ARHGAP10: variants seen among roughly 807,000 people sequenced by gnomAD.
ARHGAP10 encodes the protein rho GTPase-activating protein 10.
In ARHGAP10, 87 loss-of-function variants were observed where a neutral mutation model predicts 108.6. That is an observed-to-expected ratio of 0.80 (90% CI 0.67 to 0.96). ARHGAP10 has a LOEUF of 0.96. Ranked by LOEUF, ARHGAP10 falls within the 40% of genes least tolerant of loss-of-function variation. The pLI is 0.00. For synonymous variants in ARHGAP10, 347 were observed against 341.1 expected (o/e 1.02, Z -0.19); for missense variants, 939 against 954.5 (o/e 0.98, Z 0.21).
At chr4:148,054,985 C>T (rs2149685206) in intron 20 of ARHGAP10, among the ~76,000 whole-genome samples, 1 of 152,300 alleles carries the variant, frequency 6.6e-6, no homozygotes, top group South Asian at 2.1e-4. Flanking sequence ...AACCTTCAGA[C>T]CTCGAATGCC....
At chr4:147,784,049 A>G (rs1730695107) in intron 1 of ARHGAP10, among the ~76,000 whole-genome samples, 1 of 143,444 alleles carries the variant, frequency 7.0e-6, no homozygotes, top group African/African-American at 2.5e-5. Context: ...TATATATTAT[A>G]TATTTTACAT....
intron 20 of ARHGAP10, among the ~76,000 whole-genome samples, chr4:148,051,194 T>C (rs1021520030): frequency 3.9e-5 from 6 of 152,236 alleles, no homozygotes; most frequent in African/African-American, 1.4e-4. Flanking sequence ...GTGGGTGTTA[T>C]TCATTGCAGT....
intron 1 of ARHGAP10, among the ~76,000 whole-genome samples, chr4:147,810,021 T>C (rs1478824346): frequency 6.6e-6 from 1 of 152,260 alleles, no homozygotes; most frequent in Non-Finnish European, 1.5e-5. Context: ...TAGTATTTTC[T>C]CTATAAGTAT....
intron 1 of ARHGAP10, among the ~76,000 whole-genome samples, chr4:147,777,174 TACCA>T (rs929941444): frequency 6.6e-6 from 1 of 152,196 alleles, no homozygotes; most frequent in Non-Finnish European, 1.5e-5. Flanking sequence ...TCTGGCCTTT[TACCA>T]TTAGGAAATT....
Position 147,928,283 on chromosome 4 carries a change from T to C in ARHGAP10, c.1229-11542T>C, listed in dbSNP as rs573160504. 4.6e-5 allele frequency among the ~76,000 whole-genome samples: 7 copies of C among 152,296 alleles called. No individual in the cohort carries two copies. The South Asian group carries it at 1.5e-3, about 32-fold the overall frequency. ...TTTGCTTTGCACTTTTTAAAATATT[T>C]CTCACTTTTCTCCTGGGATGGGACA... On this transcript the variant is annotated intron_variant, in intron 13 of 22. Transcript: ENST00000336498.
intron 18 of ARHGAP10, among the ~76,000 whole-genome samples, chr4:147,995,768 A>G (rs989178617): frequency 9.9e-5 from 15 of 152,012 alleles, no homozygotes; most frequent in African/African-American, 2.2e-4. Flanking sequence ...CCAGGCTGGA[A>G]TGCAGTGGCG....
chr4:147,879,700 C>T (rs1356945563), intron 9 of ARHGAP10, among the ~76,000 whole-genome samples: 3 of 152,126 alleles, frequency 2.0e-5, no homozygotes, highest in Non-Finnish European at 4.4e-5. Flanking sequence ...CCCTAGCCCC[C>T]AGCCCCCTCA....
At chr4:147,745,342 T>G (rs1455577216) in intron 1 of ARHGAP10, 1 of 152,254 alleles carries the variant, frequency 6.6e-6, no homozygotes, top group Non-Finnish European at 1.5e-5. Context: ...CAACCCTGTC[T>G]TCAAGCAGGC....
At chr4:148,027,392 G>A (rs1305520545) in intron 19 of ARHGAP10, among the ~76,000 whole-genome samples, 2 of 152,300 alleles carry the variant, frequency 1.3e-5, no homozygotes, top group South Asian at 2.1e-4. Flanking sequence ...GTATCGTCGG[G>A]TTGGCACTTT....
At chr4:147,812,364 T>C (rs1732067448) in intron 1 of ARHGAP10, among the ~76,000 whole-genome samples, 1 of 152,150 alleles carries the variant, frequency 6.6e-6, no homozygotes, top group Admixed American at 6.5e-5. Flanking sequence ...TAGGGTGCTG[T>C]GGATGATGTT....
At chr4:148,062,586 A>T (rs1466326913) in intron 20 of ARHGAP10, among the ~76,000 whole-genome samples, 3 of 152,196 alleles carry the variant, frequency 2.0e-5, no homozygotes, top group Admixed American at 6.5e-5. Flanking sequence ...TTAACTTTAA[A>T]AAAAAAGGGA....
intron 13 of ARHGAP10, among the ~76,000 whole-genome samples, chr4:147,930,485 ACTTCTTG>A: frequency 6.6e-6 from 1 of 152,182 alleles, no homozygotes; most frequent in East Asian, 1.9e-4. Flanking sequence ...ATAAGAAAGA[ACTTCTTG>A]GCCTATTTAG....
intron 1 of ARHGAP10, among the ~76,000 whole-genome samples, chr4:147,785,435 G>A (rs147972776): frequency 9.6e-4 from 146 of 152,216 alleles, no homozygotes; most frequent in African/African-American, 3.0e-3. Flanking sequence ...TATTGTGCCC[G>A]TCAGATCAAT....
intron 13 of ARHGAP10, among the ~76,000 whole-genome samples, chr4:147,935,802 C>A (rs2635256): frequency 0.72 from 110,130 of 152,076 alleles, 45,425 homozygotes; most frequent in Non-Finnish European, 0.93. Flanking sequence ...ATTTTACGTG[C>A]GATTTCCAAG....
intron 19 of ARHGAP10, among the ~76,000 whole-genome samples, chr4:148,030,721 ATCATCAGTTG>A (rs1174910764): frequency 2.0e-5 from 3 of 152,188 alleles, no homozygotes; most frequent in Admixed American, 6.5e-5. Flanking sequence ...CCTTGTATTT[ATCATCAGTTG>A]TCTTCAGTTG....
intron 18 of ARHGAP10, among the ~76,000 whole-genome samples, chr4:147,984,370 A>G (rs1739947590): frequency 6.6e-6 from 1 of 152,196 alleles, no homozygotes; most frequent in Non-Finnish European, 1.5e-5. Flanking sequence ...GCCACAGCAC[A>G]TTGAGGAGGC....
chr4:147,980,233 T>G (rs1487493960), intron 18 of ARHGAP10, among the ~76,000 whole-genome samples: 2 of 152,152 alleles, frequency 1.3e-5, no homozygotes, highest in East Asian at 3.8e-4. Flanking sequence ...TTGGTTTTTT[T>G]CTTTTTATCA....
intron 1 of ARHGAP10, among the ~76,000 whole-genome samples, chr4:147,763,062 C>T (rs1367621965): frequency 2.0e-5 from 3 of 152,064 alleles, no homozygotes; most frequent in Non-Finnish European, 2.9e-5. Flanking sequence ...ACAGAAAACC[C>T]ATAATAAAAC....
intron 7 of ARHGAP10, 62 bp from the exon 8 acceptor site, chr4:147,874,959 A>C: frequency 7.0e-7 from 1 of 1,426,744 alleles, no homozygotes; most frequent in Non-Finnish European, 9.2e-7. Context: ...AGACTTTAAA[A>C]TGTTCATGAG....
Sources: gnomAD v4.1 joint callset for allele counts (sites outside exome capture counted in the v4.1 genomes callset) on GRCh38, gnomAD v4.1.1 for gene constraint, MANE v1.5 for transcripts, NCBI Gene and HGNC (gene_info 2026-07-23, HGNC 2026-07-21) for gene names.